Variants in EFCAB11 observed in about 807,000 individuals in gnomAD.
The protein encoded by EFCAB11 is EF-hand calcium-binding domain-containing protein 11.
In EFCAB11, 14 loss-of-function variants were observed where a neutral mutation model predicts 23.0. The observed-to-expected ratio is 0.61, with a 90% CI of 0.40 to 0.95. EFCAB11 has a LOEUF of 0.95. EFCAB11 is among the 40% of genes least tolerant of loss of function. The pLI is 0.00. For missense variants in EFCAB11, 198 were observed against 195.8 expected (o/e 1.01, Z -0.07); for synonymous variants, 65 against 66.6 (o/e 0.98, Z 0.11).
Position 89,909,604 on chromosome 14 carries a change from T to C in EFCAB11, c.410+21937A>G, listed in dbSNP as rs546290594. ...TCAAAAAACAAAACAAAACAAAAAA[T>C]GTCTGATCACCTCACTTCCCTACAT... On this transcript the variant is annotated intron_variant, in intron 5 of 5. Transcript: ENST00000316738. Among the ~76,000 whole-genome samples, 13 of 151,544 alleles carry C rather than the reference T, an allele frequency of 8.6e-5. No homozygotes were observed. The East Asian group carries it at 2.5e-3, about 29-fold the overall frequency.
intron 5 of EFCAB11, among the ~76,000 whole-genome samples, chr14:89,798,398 T>G (rs1314542658): frequency 6.6e-6 from 1 of 152,256 alleles, no homozygotes; most frequent in Non-Finnish European, 1.5e-5. Context: ...GATGATTTCA[T>G]GCTACACAGG....
intron 3 of EFCAB11, among the ~76,000 whole-genome samples, chr14:89,948,109 AATG>A (rs1448956336): frequency 2.0e-5 from 3 of 152,082 alleles, no homozygotes; most frequent in Non-Finnish European, 4.4e-5. Context: ...TAAAATTATG[AATG>A]ATATTTTTTC....
At position 89,917,084 on chromosome 14, in the gene EFCAB11, GTGTGTGTGTGTGTA is replaced by G. The variant is rs1325627218; in HGVS notation, c.410+14443_410+14456del. 5.0e-3 allele frequency among the ~76,000 whole-genome samples: 673 copies of G among 135,180 alleles called. 7 individuals are homozygous for G. Among genetic ancestry groups the G allele is most frequent in the African/African-American group, 0.021 (548 of 26,412 alleles). 88.7% of individuals were successfully genotyped at this position (135,180 alleles called of 152,430 possible). The stretch of plus-strand genomic sequence containing the variant: ...TGTGTGTGTGTGTGTGTGTGTGTGT[GTGTGTGTGTGTGTA>G]TGTGTGTGTTGAAAACACTTAAGAT... On this transcript the variant is annotated intron_variant, in intron 5 of 5. Coordinates refer to ENST00000316738, the MANE Select transcript of EFCAB11 (RefSeq NM_145231.4).
At chr14:89,922,194 C>T (rs999812243) in intron 5 of EFCAB11, among the ~76,000 whole-genome samples, 7 of 152,172 alleles carry the variant, frequency 4.6e-5, no homozygotes, top group East Asian at 1.9e-4. Context: ...TTGGATACAT[C>T]GGCCACAACA....
At chr14:89,908,632 T>A (rs980024953) in intron 5 of EFCAB11, among the ~76,000 whole-genome samples, 3 of 151,912 alleles carry the variant, frequency 2.0e-5, no homozygotes, top group African/African-American at 7.3e-5. Flanking sequence ...TCTGAAAAAA[T>A]AAAAAAATCT....
Position 89,953,913 on chromosome 14 carries a change from G to C in EFCAB11, c.164C>G (p.Pro55Arg). Reference protein sequence around the residue: ...TAVVMLFGYKPSKIEVDSVMS... With the variant: ...TAVVMLFGYKRSKIEVDSVMS... The stretch of plus-strand genomic sequence containing the variant: ...TATATAAGAAAGCTCTACCTTGGAG[G>C]GCTTGTACCCAAACAGCATTACAAC... Residue 55 changes from proline to arginine, a missense_variant, in exon 2 of 6, where the codon CCC becomes CGC. Coordinates refer to ENST00000316738, the MANE Select transcript of EFCAB11 (RefSeq NM_145231.4). 6.2e-7 allele frequency: 1 copy of C among 1,613,016 alleles called. No homozygotes were observed. The highest frequency in any genetic ancestry group is 8.5e-7 in the Non-Finnish European group (1 of 1,179,674).
chr14:89,890,460 G>T (rs1422060593), intron 5 of EFCAB11, among the ~76,000 whole-genome samples: 1 of 152,146 alleles, frequency 6.6e-6, no homozygotes, highest in Non-Finnish European at 1.5e-5. Context: ...TTACAAATAA[G>T]TGATACTCTT....
chr14:89,870,939 C>G (rs957345943), intron 5 of EFCAB11, among the ~76,000 whole-genome samples: 3 of 152,042 alleles, frequency 2.0e-5, no homozygotes, highest in African/African-American at 7.2e-5. Context: ...GATTTTGTCT[C>G]AAAACAAAAA....
In EFCAB11 at chr14:89,842,796, A is replaced by T. The variant is rs58897288; in HGVS notation, c.411-45472T>A. ...ACCATCCCCCTTTACCCTGTGCTCA[A>T]GCTACACTCCTCTTATTTCTGCAGT... On this transcript the variant is annotated intron_variant, in intron 5 of 5. Coordinates refer to ENST00000316738, the MANE Select transcript of EFCAB11 (RefSeq NM_145231.4). Among the ~76,000 whole-genome samples the T allele has an allele frequency of 1.4e-3, 220 of 152,032 alleles. 1 individual carries two copies. The highest frequency in any genetic ancestry group is 4.8e-3 in the African/African-American group (197 of 41,430).
intron 5 of EFCAB11, among the ~76,000 whole-genome samples, chr14:89,891,213 T>C (rs772189058): frequency 3.9e-5 from 6 of 152,164 alleles, no homozygotes; most frequent in Non-Finnish European, 5.9e-5. Context: ...CTCCAGAAAG[T>C]TGAATACAAA....
At chr14:89,828,693 G>T (rs1886787225) in intron 5 of EFCAB11, among the ~76,000 whole-genome samples, 1 of 152,174 alleles carries the variant, frequency 6.6e-6, no homozygotes, top group African/African-American at 2.4e-5. Context: ...TTGAAAGAAA[G>T]AATATTGGAT....
rs34931708 is a variant in EFCAB11 at position 89,910,598 on chromosome 14, AATACATACATACATACATAC to A, written c.410+20923_410+20942del. Among the ~76,000 whole-genome samples, 747 of 147,640 alleles carry A rather than the reference AATACATACATACATACATAC, an allele frequency of 5.1e-3. 2 individuals are homozygous for A. The highest frequency in any genetic ancestry group is 7.9e-3 in the Non-Finnish European group (524 of 66,734). On this transcript the variant is annotated intron_variant, in intron 5 of 5. Coordinates refer to ENST00000316738, the MANE Select transcript of EFCAB11 (RefSeq NM_145231.4). Reference sequence around the variant, plus strand: ...GGCAACAGAATGAGAATCTGTCTCAAATACATACATACATACATACATACATACATACATACATACATACA... The same window carrying A: ...GGCAACAGAATGAGAATCTGTCTCAAATACATACATACATACATACATACA...
chr14:89,907,628 C>G (rs1889539922), intron 5 of EFCAB11, among the ~76,000 whole-genome samples: 2 of 152,100 alleles, frequency 1.3e-5, no homozygotes, highest in South Asian at 4.1e-4. Context: ...CTGGAAAGGC[C>G]TTTAAATAAA....
intron 5 of EFCAB11, among the ~76,000 whole-genome samples, chr14:89,806,776 G>A (rs1433637643): frequency 6.6e-6 from 1 of 152,096 alleles, no homozygotes; most frequent in Non-Finnish European, 1.5e-5. Context: ...AAGCTGAATG[G>A]CTAGGCTAGA....
intron 5 of EFCAB11, among the ~76,000 whole-genome samples, chr14:89,894,361 C>T (rs1889092340): frequency 6.6e-6 from 1 of 151,960 alleles, no homozygotes; most frequent in African/African-American, 2.4e-5. Flanking sequence ...AACCTGTCAT[C>T]TAGGTTTTAA....
chr14:89,815,880 TAAG>T (rs1212787708), intron 5 of EFCAB11, among the ~76,000 whole-genome samples: 16 of 152,134 alleles, frequency 1.1e-4, no homozygotes, highest in African/African-American at 3.9e-4. Context: ...AAATAAAAAT[TAAG>T]AAGAAAAGAA....
At chr14:89,824,955 G>C (rs1473755996) in intron 5 of EFCAB11, among the ~76,000 whole-genome samples, 2 of 151,926 alleles carry the variant, frequency 1.3e-5, no homozygotes, top group Admixed American at 6.6e-5. Context: ...AGAGAACACA[G>C]AGACAGGAAA....
upstream of EFCAB11, chr14:89,954,771 A>C (rs1357932762): frequency 6.8e-7 from 1 of 1,465,558 alleles, no homozygotes; most frequent in Non-Finnish European, 9.2e-7. Flanking sequence ...GCCGAACTTC[A>C]CCGCGCAACT....
chr14:89,903,197 C>T (rs911112220), intron 5 of EFCAB11, among the ~76,000 whole-genome samples: 15 of 152,288 alleles, frequency 9.8e-5, no homozygotes, highest in African/African-American at 3.4e-4. Flanking sequence ...ATTCAAGAAG[C>T]GTTCAAACAC....
Sources: allele counts gnomAD v4.1 joint callset (sites outside exome capture counted in the v4.1 genomes callset), GRCh38; gene constraint gnomAD v4.1.1; transcripts MANE v1.5; gene names NCBI Gene and HGNC (gene_info 2026-07-23, HGNC 2026-07-21).